Variants in PALD1 observed in about 807,000 individuals in gnomAD.
PALD1 encodes paladin.
Under a neutral mutation model 96.0 loss-of-function variants are expected in PALD1, and 57 were observed. The ratio of observed to expected loss-of-function variants is 0.59; its 90% CI spans 0.48 to 0.74. The LOEUF (loss-of-function observed/expected upper bound fraction) is 0.74. Among genes scored for constraint, PALD1 ranks in the 30% least tolerant of loss-of-function variants. PALD1 has a pLI of 0.00. For missense variants in PALD1, 1,063 were observed against 1,143.7 expected (o/e 0.93, Z 1.02); for synonymous variants, 464 against 473.6 (o/e 0.98, Z 0.26).
At chr10:70,548,848 A>G (rs1847422128) in intron 18 of PALD1, among the ~76,000 whole-genome samples, 1 of 152,188 alleles carries the variant, frequency 6.6e-6, no homozygotes, top group African/African-American at 2.4e-5. Flanking sequence ...AAGGCAGGGC[A>G]AGGCATCTGG....
chr10:70,541,084 C>T lies in PALD1; in HGVS notation c.1909-18C>T. The T allele has an allele frequency of 1.3e-6, 2 of 1,580,994 alleles. No individual in the cohort carries two copies. Among genetic ancestry groups the T allele is most frequent in the Non-Finnish European group, 1.7e-6 (2 of 1,165,136 alleles). On this transcript the variant is annotated intron_variant, in intron 15 of 19. Coordinates refer to ENST00000263563, the MANE Select transcript of PALD1 (RefSeq NM_014431.3). The stretch of plus-strand genomic sequence containing the variant: ...CCAAGAGACGCCCGCTGACCCAGAC[C>T]TTGCTTTTCTCGTCCAGGACTTTGA...
At chr10:70,529,380 ATC>A in intron 3 of PALD1, 49 bp downstream of exon 3, 1 of 835,386 alleles carries the variant, frequency 1.2e-6, no homozygotes, top group Non-Finnish European at 2.0e-6. Flanking sequence ...TCCCACCCCT[ATC>A]TCTCATGAAT....
chr10:70,560,474 A>G (rs1411063457), intron 18 of PALD1, among the ~76,000 whole-genome samples: 1 of 152,204 alleles, frequency 6.6e-6, no homozygotes, highest in Admixed American at 6.5e-5. Flanking sequence ...GCTGAACCTC[A>G]TCTGCAAAAT....
intron 1 of PALD1, among the ~76,000 whole-genome samples, chr10:70,480,707 C>T (rs1250699863): frequency 6.6e-6 from 1 of 152,220 alleles, no homozygotes; most frequent in African/African-American, 2.4e-5. Flanking sequence ...GCTGAGCTCA[C>T]CCGAAGCCCT....
Position 70,540,382 on chromosome 10 carries a change from T to A in PALD1, c.1908+620T>A, listed in dbSNP as rs935307134. Among the ~76,000 whole-genome samples the A allele has an allele frequency of 1.3e-5, 2 of 151,384 alleles. No individual in the cohort carries two copies. Among genetic ancestry groups the A allele is most frequent in the African/African-American group, 4.9e-5 (2 of 41,114 alleles). ...GAAAACCATCTTTAGGGGAGTGGTG[T>A]GGTGTGTGGTAGGGTTTGTGGAGGG... On this transcript the variant is annotated intron_variant, in intron 15 of 19. Coordinates refer to ENST00000263563, the MANE Select transcript of PALD1 (RefSeq NM_014431.3). The surrounding 1 kb of genome is among the most constrained non-coding windows in gnomAD (Gnocchi z 4.2).
chr10:70,484,175 G>A (rs1202669715), intron 1 of PALD1, among the ~76,000 whole-genome samples: 3 of 152,154 alleles, frequency 2.0e-5, no homozygotes, highest in East Asian at 3.9e-4. Flanking sequence ...GCTAATTTTT[G>A]TATTTTTAAT....
At chr10:70,490,977 C>G (rs1846087477) in intron 1 of PALD1, among the ~76,000 whole-genome samples, 2 of 151,510 alleles carry the variant, frequency 1.3e-5, no homozygotes, top group East Asian at 3.9e-4. Flanking sequence ...TTTTTGGAGA[C>G]AGAGTCTCGC....
chr10:70,486,618 A>T (rs372936700), intron 1 of PALD1, among the ~76,000 whole-genome samples: 1 of 152,120 alleles, frequency 6.6e-6, no homozygotes, highest in South Asian at 2.1e-4. Flanking sequence ...AAAATTAGCC[A>T]GGTGTGGTGG....
the PALD1 span, among the ~76,000 whole-genome samples, chr10:70,464,808 A>G: frequency 6.7e-6 from 1 of 148,866 alleles, no homozygotes; most frequent in Non-Finnish European, 1.5e-5. Context: ...TTGTAATTTT[A>G]GTAGAGATGG....
chr10:70,493,752 G>C (rs1189250939), intron 1 of PALD1, among the ~76,000 whole-genome samples: 1 of 152,196 alleles, frequency 6.6e-6, no homozygotes, highest in Admixed American at 6.5e-5. Context: ...CTCACCTTCA[G>C]CATGGATGCA....
intron 18 of PALD1, among the ~76,000 whole-genome samples, chr10:70,549,561 CCTCAG>C (rs1400965667): frequency 6.6e-6 from 1 of 152,252 alleles, no homozygotes; most frequent in Non-Finnish European, 1.5e-5. Flanking sequence ...GGAGCAGTGT[CCTCAG>C]AGACAGCCTG....
rs769285819 is a variant in PALD1, at chr10:70,541,182, C to T, written c.1989C>T (p.Ser663=). 2.8e-5 allele frequency: 45 copies of T among 1,613,676 alleles called. 1 individual carries two copies. The highest frequency in any genetic ancestry group is 2.7e-4 in the South Asian group (25 of 91,054). ...CTGGCTTCGTGTTCAGCTGCCTCAG[C>T]GGCCAGGGCCGTACCACAACTGCGA... ...PGTGFVFSCL[S]GQGRTTTAMV... is the part of the protein sequence containing the mutation. The change falls in exon 16 of 20, where the codon AGC becomes AGT. Residue 663 remains serine (S), a synonymous_variant. Transcript: ENST00000263563.
At position 70,532,723 on chromosome 10, in the gene PALD1, G is replaced by A; in HGVS notation, c.736G>A (p.Asp246Asn). The A allele has an allele frequency of 1.2e-6, 2 of 1,614,214 alleles. No individual in the cohort carries two copies. The highest frequency in any genetic ancestry group is 8.5e-7 in the Non-Finnish European group (1 of 1,180,030). Residue 246 changes from aspartate to asparagine, a missense_variant, in exon 6 of 20, where the codon GAC (aspartate) becomes AAC (asparagine). Coordinates refer to ENST00000263563, the MANE Select transcript of PALD1 (RefSeq NM_014431.3). Reference protein sequence around the residue: ...PHAVAIHGEDDLHVTEEVYKR... With the variant: ...PHAVAIHGEDNLHVTEEVYKR... ...TGCTGTGGCCATCCATGGTGAGGAC[G>A]ACTTGCATGTGACGGAGGAGGTGTA... is the stretch of plus-strand genomic sequence containing the variant.
chr10:70,509,036 C>T (rs1846461969), intron 1 of PALD1, among the ~76,000 whole-genome samples: 1 of 152,194 alleles, frequency 6.6e-6, no homozygotes, highest in Admixed American at 6.5e-5. Context: ...CTCCAGCTGG[C>T]CACTCGGCCC....
chr10:70,554,378 G>C (rs747784928), intron 18 of PALD1, among the ~76,000 whole-genome samples: 11 of 152,196 alleles, frequency 7.2e-5, no homozygotes, highest in Non-Finnish European at 1.5e-4. Context: ...GCAGTAAGCC[G>C]AGATCATGCT....
At chr10:70,566,101 A>G (rs1325859425) in intron 19 of PALD1, among the ~76,000 whole-genome samples, 1 of 151,716 alleles carries the variant, frequency 6.6e-6, no homozygotes, top group Non-Finnish European at 1.5e-5. Flanking sequence ...AGAGAAGGGG[A>G]CTGGTTGTGG....
chr10:70,498,105 C>T (rs1429045384), intron 1 of PALD1, among the ~76,000 whole-genome samples: 1 of 152,172 alleles, frequency 6.6e-6, no homozygotes, highest in Non-Finnish European at 1.5e-5. Context: ...CAGGCCCTGG[C>T]ACCCACAGTT....
At chr10:70,505,464 C>T (rs1034125847) in intron 1 of PALD1, among the ~76,000 whole-genome samples, 6 of 152,018 alleles carry the variant, frequency 3.9e-5, no homozygotes, top group African/African-American at 1.5e-4. Context: ...ATTAGCCGGG[C>T]ATGGTGGTGC....
chr10:70,463,272 C>T, the PALD1 span, among the ~76,000 whole-genome samples: 3 of 152,134 alleles, frequency 2.0e-5, no homozygotes, highest in Non-Finnish European at 4.4e-5. Flanking sequence ...GGCATGGTGG[C>T]AGGTGCCTGT....
Sources: gnomAD v4.1 joint callset for allele counts (sites outside exome capture counted in the v4.1 genomes callset) on GRCh38, gnomAD v4.1.1 for gene constraint, Gnocchi (gnomAD v3.1) non-coding constraint, MANE v1.5 for transcripts, NCBI Gene and HGNC (gene_info 2026-07-23, HGNC 2026-07-21) for gene names.